The following FHIT variants were observed in gnomAD, a reference collection of about 807,000 sequenced individuals.
FHIT encodes fragile histidine triad diadenosine triphosphatase, also known as bis(5'-adenosyl)-triphosphatase.
A neutral mutation model predicts 17.9 loss-of-function variants in FHIT; 19 were observed. The observed-to-expected ratio is 1.06, with a 90% CI of 0.74 to 1.56. FHIT has a LOEUF of 1.56. Ranked by LOEUF, FHIT falls within the 40% of genes most tolerant of loss-of-function variation. The probability of loss-of-function intolerance (pLI) is 0.00; values close to 1 mark genes in which losing one functional copy is unlikely to be tolerated. For missense variants in FHIT, 248 were observed against 189.2 expected (o/e 1.31, Z -1.82); for synonymous variants, 81 against 69.7 (o/e 1.16, Z -0.81).
At chr3:61,206,251 T>A (rs2039225853) in intron 1 of FHIT, among the ~76,000 whole-genome samples, 1 of 131,170 alleles carries the variant, frequency 7.6e-6, no homozygotes, top group African/African-American at 2.8e-5. Context: ...TCAGGTAGTG[T>A]GATGCCTCCA....
At chr3:59,914,007 A>G (rs1705011334) in intron 8 of FHIT, among the ~76,000 whole-genome samples, 1 of 152,230 alleles carries the variant, frequency 6.6e-6, no homozygotes, top group Admixed American at 6.5e-5. Flanking sequence ...GCAGTTTGAA[A>G]GCATTCTAGA....
chr3:60,447,684 C>T (rs114918932), intron 5 of FHIT, among the ~76,000 whole-genome samples: 1,536 of 152,122 alleles, frequency 0.01, 38 homozygotes, highest in African/African-American at 0.033. Context: ...CACAAGACAC[C>T]CACTAGTAAG....
intron 7 of FHIT, among the ~76,000 whole-genome samples, chr3:59,993,252 T>A (rs915398741): frequency 1.1e-4 from 17 of 152,186 alleles, no homozygotes; most frequent in Middle Eastern, 3.4e-3. Flanking sequence ...TTCCTGCTCT[T>A]CCTACAGAAT....
chr3:61,033,306 A>G (rs980750372), intron 3 of FHIT, among the ~76,000 whole-genome samples: 11 of 152,322 alleles, frequency 7.2e-5, no homozygotes, highest in East Asian at 1.9e-4. Context: ...TGCTTTTGAT[A>G]TAAATTCTAC....
intron 5 of FHIT, among the ~76,000 whole-genome samples, chr3:60,110,802 A>G (rs1041827146): frequency 6.6e-6 from 1 of 152,188 alleles, no homozygotes; most frequent in Non-Finnish European, 1.5e-5. Flanking sequence ...TGACATAAAA[A>G]CCACTCAAGA....
chr3:59,863,564 G>A (rs1335104144), intron 8 of FHIT, among the ~76,000 whole-genome samples: 1 of 152,130 alleles, frequency 6.6e-6, no homozygotes, highest in Non-Finnish European at 1.5e-5. Context: ...TGAAGCCAGA[G>A]ACCATGCATG....
intron 5 of FHIT, among the ~76,000 whole-genome samples, chr3:60,395,232 A>G (rs1701388171): frequency 6.6e-6 from 1 of 152,298 alleles, no homozygotes; most frequent in Non-Finnish European, 1.5e-5. Flanking sequence ...CAGATAAGCC[A>G]TATCATCATG....
chr3:59,786,274 C>T (rs1367027470), intron 8 of FHIT, among the ~76,000 whole-genome samples: 3 of 152,174 alleles, frequency 2.0e-5, no homozygotes, highest in Admixed American at 1.3e-4. Context: ...ATCTCCCTCA[C>T]CACTTAAAGT....
chr3:60,967,293 G>A (rs1372658124), intron 3 of FHIT, among the ~76,000 whole-genome samples: 1 of 152,164 alleles, frequency 6.6e-6, no homozygotes, highest in African/African-American at 2.4e-5. Context: ...TACCACATTG[G>A]TGGTAATCAT....
At chr3:61,094,179 C>A (rs551001430) in intron 2 of FHIT, among the ~76,000 whole-genome samples, 1 of 151,794 alleles carries the variant, frequency 6.6e-6, no homozygotes, top group Non-Finnish European at 1.5e-5. Flanking sequence ...AAAATGGTGA[C>A]GCATCACTGG....
At chr3:60,117,250 ATGTC>A (rs1705007503) in intron 5 of FHIT, among the ~76,000 whole-genome samples, 1 of 152,102 alleles carries the variant, frequency 6.6e-6, no homozygotes. Context: ...GACATTTAAA[ATGTC>A]TGTATTTGGA....
intron 5 of FHIT, among the ~76,000 whole-genome samples, chr3:60,201,040 A>G (rs1702878212): frequency 6.6e-6 from 1 of 152,168 alleles, no homozygotes; most frequent in Admixed American, 6.5e-5. Context: ...CCACTTACCC[A>G]ACTTAAAATA....
chr3:60,479,289 C>G (rs2033494530), intron 5 of FHIT, among the ~76,000 whole-genome samples: 1 of 152,122 alleles, frequency 6.6e-6, no homozygotes, highest in South Asian at 2.1e-4. Context: ...TAGGAGATGA[C>G]TATCATACCA....
chr3:61,101,553 G>A (rs1453966862), intron 2 of FHIT, among the ~76,000 whole-genome samples: 2 of 151,962 alleles, frequency 1.3e-5, no homozygotes, highest in Non-Finnish European at 1.5e-5. Context: ...CTCTTTTTTG[G>A]TTCCATATGA....
intron 4 of FHIT, among the ~76,000 whole-genome samples, chr3:60,571,953 C>A (rs1256244276): frequency 2.0e-5 from 3 of 152,080 alleles, no homozygotes; most frequent in Non-Finnish European, 2.9e-5. Flanking sequence ...AAAATCATTT[C>A]TTTGGTCATT....
chr3:60,352,775 G>A (rs1699471756), intron 5 of FHIT, among the ~76,000 whole-genome samples: 1 of 152,090 alleles, frequency 6.6e-6, no homozygotes, highest in African/African-American at 2.4e-5. Context: ...CAGCCTCACA[G>A]GTCACTGGGT....
At chr3:61,023,655 A>G (rs1435644836) in intron 3 of FHIT, among the ~76,000 whole-genome samples, 1 of 152,244 alleles carries the variant, frequency 6.6e-6, no homozygotes, top group Non-Finnish European at 1.5e-5. Flanking sequence ...ACAGATATAT[A>G]GACCAATGAA....
chr3:60,724,647 GT>G (rs530376698), intron 4 of FHIT, among the ~76,000 whole-genome samples: 66 of 119,852 alleles, frequency 5.5e-4, no homozygotes, highest in African/African-American at 7.2e-4. Flanking sequence ...TTAACTGTCT[GT>G]TTTTTTTTTT....
At chr3:60,868,885 G>A (rs966540588) in intron 3 of FHIT, among the ~76,000 whole-genome samples, 2 of 152,160 alleles carry the variant, frequency 1.3e-5, no homozygotes, top group African/African-American at 4.8e-5. Context: ...TCGTGAGTTT[G>A]AGGAGCAGAG....
Sources: allele counts gnomAD v4.1 joint callset (sites outside exome capture counted in the v4.1 genomes callset), GRCh38; gene constraint gnomAD v4.1.1; transcripts MANE v1.5; gene names NCBI Gene and HGNC (gene_info 2026-07-23, HGNC 2026-07-21).